PDE3A: variants seen among roughly 807,000 people sequenced by gnomAD.
The protein encoded by PDE3A is phosphodiesterase 3A, also known as cGMP-inhibited 3',5'-cyclic phosphodiesterase 3A.
In PDE3A, 43 loss-of-function variants were observed where a neutral mutation model predicts 98.3. That is an observed-to-expected ratio of 0.44 (90% CI 0.34 to 0.56). PDE3A has a LOEUF of 0.56. Among genes scored for constraint, PDE3A ranks in the 20% least tolerant of loss-of-function variants. The pLI, the probability that PDE3A is intolerant of heterozygous loss-of-function variation, is 0.01. For synonymous variants in PDE3A, 663 were observed against 567.9 expected, an observed-to-expected ratio of 1.17 and a Z score of -2.38; for missense variants, 1,427 against 1,440.7, an observed-to-expected ratio of 0.99 and a Z score of 0.15.
chr12:20,490,859 T>A (rs541159990), intron 1 of PDE3A, among the ~76,000 whole-genome samples: 1 of 152,252 alleles, frequency 6.6e-6, no homozygotes, highest in Admixed American at 6.5e-5. Flanking sequence ...ACCTGTGATT[T>A]CAGTTATTTG....
intron 1 of PDE3A, among the ~76,000 whole-genome samples, chr12:20,477,257 G>A (rs189342434): frequency 6.6e-6 from 1 of 152,294 alleles, no homozygotes; most frequent in East Asian, 1.9e-4. Flanking sequence ...AAGATTGCCT[G>A]TGAAATCTGG....
intron 1 of PDE3A, among the ~76,000 whole-genome samples, chr12:20,535,919 G>A (rs913135909): frequency 5.9e-5 from 9 of 152,090 alleles, no homozygotes; most frequent in African/African-American, 2.2e-4. Flanking sequence ...AAAGGAAAAT[G>A]AAAGCTACTA....
chr12:20,428,046 A>G (rs914398442), intron 1 of PDE3A, among the ~76,000 whole-genome samples: 13 of 152,210 alleles, frequency 8.5e-5, no homozygotes, highest in African/African-American at 3.1e-4. Flanking sequence ...ATTTATTTGA[A>G]TCAAAAGTGG....
intron 1 of PDE3A, among the ~76,000 whole-genome samples, chr12:20,500,455 T>TA (rs1480920809): frequency 4.6e-5 from 7 of 152,294 alleles, no homozygotes; most frequent in South Asian, 4.1e-4. Context: ...AGAGAATACT[T>TA]ACCTATATTA....
intron 1 of PDE3A, among the ~76,000 whole-genome samples, chr12:20,515,585 A>T (rs61912088): frequency 3.9e-5 from 6 of 152,210 alleles, no homozygotes; most frequent in Non-Finnish European, 8.8e-5. Context: ...CACTGGAAAG[A>T]ATCTACAATA....
At chr12:20,457,251 C>T (rs997052991) in intron 1 of PDE3A, among the ~76,000 whole-genome samples, 1 of 150,644 alleles carries the variant, frequency 6.6e-6, no homozygotes, top group Non-Finnish European at 1.5e-5. Context: ...TATTATTATT[C>T]TATTATATAT....
chr12:20,472,344 G>T (rs1451532324), intron 1 of PDE3A, among the ~76,000 whole-genome samples: 1 of 152,186 alleles, frequency 6.6e-6, no homozygotes, highest in East Asian at 1.9e-4. Context: ...CTGATAGTTG[G>T]CATCCTGGCA....
At chr12:20,462,591 C>T (rs569058992) in intron 1 of PDE3A, among the ~76,000 whole-genome samples, 12 of 152,026 alleles carry the variant, frequency 7.9e-5, no homozygotes, top group South Asian at 2.1e-4. Flanking sequence ...TCAGAGTGGC[C>T]GTATAGATAA....
intron 1 of PDE3A, among the ~76,000 whole-genome samples, chr12:20,457,812 G>A (rs1184622797): frequency 3.9e-5 from 6 of 151,974 alleles, no homozygotes; most frequent in African/African-American, 1.4e-4. Flanking sequence ...AAAAAGAACT[G>A]AACTATGCCC....
At chr12:20,456,848 G>C (rs1394906162) in intron 1 of PDE3A, among the ~76,000 whole-genome samples, 1 of 152,104 alleles carries the variant, frequency 6.6e-6, no homozygotes, top group Non-Finnish European at 1.5e-5. Context: ...AGCAAAGGGC[G>C]TATGCTTTTG....
intron 2 of PDE3A, among the ~76,000 whole-genome samples, chr12:20,597,174 A>G (rs1481377344): frequency 6.6e-6 from 1 of 152,186 alleles, no homozygotes; most frequent in African/African-American, 2.4e-5. Flanking sequence ...TACAAACTGT[A>G]GTGTATTACA....
chr12:20,518,320 T>C (rs111694073), intron 1 of PDE3A, among the ~76,000 whole-genome samples: 2 of 152,270 alleles, frequency 1.3e-5, no homozygotes, highest in South Asian at 4.1e-4. Flanking sequence ...AGAGGACATA[T>C]TTTGAAAGCT....
chr12:20,520,405 T>C (rs2121148125), intron 1 of PDE3A, among the ~76,000 whole-genome samples: 1 of 152,334 alleles, frequency 6.6e-6, no homozygotes, highest in East Asian at 1.9e-4. Flanking sequence ...TATTTTTTCC[T>C]GAATACGCAG....
chr12:20,624,952 A>G (rs1054622331), intron 5 of PDE3A, among the ~76,000 whole-genome samples: 1 of 152,180 alleles, frequency 6.6e-6, no homozygotes, highest in Non-Finnish European at 1.5e-5. Flanking sequence ...AAATGGAATC[A>G]AATGAAATGT....
At chr12:20,379,332 C>T (rs1416462347) in intron 1 of PDE3A, among the ~76,000 whole-genome samples, 2 of 151,718 alleles carry the variant, frequency 1.3e-5, no homozygotes, top group Admixed American at 6.6e-5. Context: ...TGTTTGTCCT[C>T]GTGATATGAA....
chr12:20,373,065 A>G (rs758773167), intron 1 of PDE3A, among the ~76,000 whole-genome samples: 68 of 152,070 alleles, frequency 4.5e-4, no homozygotes, highest in Non-Finnish European at 8.2e-4. Context: ...CAAGAACTGT[A>G]AGTCTGTAGC....
At chr12:20,643,846 C>T (rs1944704708) in intron 10 of PDE3A, among the ~76,000 whole-genome samples, 1 of 151,668 alleles carries the variant, frequency 6.6e-6, no homozygotes, top group Admixed American at 6.6e-5. Context: ...TAAAATAAAA[C>T]ATTACCTATA....
chr12:20,392,755 C>G (rs1265403189), intron 1 of PDE3A, among the ~76,000 whole-genome samples: 1 of 151,890 alleles, frequency 6.6e-6, no homozygotes, highest in Non-Finnish European at 1.5e-5. Context: ...TGAATAGATG[C>G]AGAACATGTG....
chr12:20,582,065 C>G (rs993730561), intron 2 of PDE3A, among the ~76,000 whole-genome samples: 1 of 151,940 alleles, frequency 6.6e-6, no homozygotes, highest in African/African-American at 2.4e-5. Context: ...AAACTCTTAG[C>G]AAGTTTTTGT....
Sources: allele counts gnomAD v4.1 joint callset (sites outside exome capture counted in the v4.1 genomes callset), GRCh38; gene constraint gnomAD v4.1.1; transcripts MANE v1.5; gene names NCBI Gene and HGNC (gene_info 2026-07-23, HGNC 2026-07-21).